Variants in OXCT1 observed in about 807,000 individuals in gnomAD.
OXCT1 encodes 3-oxoacid CoA-transferase 1, also known as succinyl-CoA:3-ketoacid coenzyme A transferase 1, mitochondrial.
OXCT1 carries 27 observed loss-of-function variants against 69.6 expected under a neutral mutation model. The observed-to-expected ratio is 0.39, with a 90% CI of 0.29 to 0.54. The LOEUF is 0.54. Ranked by LOEUF, OXCT1 falls within the 20% of genes least tolerant of loss-of-function variation. OXCT1 has a pLI of 0.72. For synonymous variants in OXCT1, 202 were observed against 217.8 expected (o/e 0.93, Z 0.64); for missense variants, 437 against 650.2 (o/e 0.67, Z 3.57).
chr5:41,835,314 T>C (rs1193518092), intron 7 of OXCT1, among the ~76,000 whole-genome samples: 1 of 152,202 alleles, frequency 6.6e-6, no homozygotes, highest in Non-Finnish European at 1.5e-5. Flanking sequence ...ATCATAAATA[T>C]ATACACCTAC....
chr5:41,862,870 C>G, intron 1 of OXCT1, 120 bp from the exon 2 acceptor site: 1 of 662,838 alleles, frequency 1.5e-6, no homozygotes, highest in Non-Finnish European at 2.8e-6. Context: ...TATATATACA[C>G]GTTTTTAATT....
At chr5:41,862,899 A>G in intron 1 of OXCT1, 149 bp from the exon 2 acceptor site, 1 of 607,276 alleles carries the variant, frequency 1.6e-6, no homozygotes, top group Non-Finnish European at 3.0e-6. Flanking sequence ...ATAACTGTAT[A>G]TAATGTATAT....
At chr5:41,755,276 C>T (rs979095478) in intron 14 of OXCT1, among the ~76,000 whole-genome samples, 5 of 151,948 alleles carry the variant, frequency 3.3e-5, no homozygotes, top group Admixed American at 1.3e-4. Context: ...TGCTTTTTTT[C>T]TCCCATTTTA....
At chr5:41,779,967 G>C (rs1745315722) in intron 13 of OXCT1, among the ~76,000 whole-genome samples, 1 of 152,036 alleles carries the variant, frequency 6.6e-6, no homozygotes, top group Non-Finnish European at 1.5e-5. Flanking sequence ...TTATAATAAG[G>C]ACTGCAAATA....
At chr5:41,865,076 A>G (rs547812586) in intron 1 of OXCT1, among the ~76,000 whole-genome samples, 15 of 152,302 alleles carry the variant, frequency 9.8e-5, no homozygotes, top group African/African-American at 3.6e-4. Context: ...CATTCCCTCA[A>G]GCATTTATCC....
At chr5:41,750,142 T>G (rs546456701) in intron 14 of OXCT1, among the ~76,000 whole-genome samples, 31 of 148,960 alleles carry the variant, frequency 2.1e-4, no homozygotes, top group South Asian at 4.2e-4. Context: ...TTGGTTTTTT[T>G]TTTTTTTTTT....
chr5:41,759,049 T>G (rs1388148725), intron 14 of OXCT1, among the ~76,000 whole-genome samples: 1 of 147,394 alleles, frequency 6.8e-6, no homozygotes, highest in East Asian at 2.0e-4. Flanking sequence ...ATTGCTGATG[T>G]AAGTCTCACC....
chr5:41,761,498 T>C (rs1182955768), intron 14 of OXCT1, among the ~76,000 whole-genome samples: 1 of 152,106 alleles, frequency 6.6e-6, no homozygotes, highest in Non-Finnish European at 1.5e-5. Context: ...GTAAGCTTCA[T>C]GAGATCAGTA....
At chr5:41,827,859 C>T (rs1037071689) in intron 7 of OXCT1, among the ~76,000 whole-genome samples, 1 of 152,160 alleles carries the variant, frequency 6.6e-6, no homozygotes, top group Non-Finnish European at 1.5e-5. Flanking sequence ...CCTCACCATC[C>T]TCAAAGTCTC....
chr5:41,782,512 A>G (rs948264158), intron 13 of OXCT1, among the ~76,000 whole-genome samples: 1 of 152,002 alleles, frequency 6.6e-6, no homozygotes, highest in African/African-American at 2.4e-5. Context: ...CTGCCCCAGG[A>G]GCTTTTTTTC....
chr5:41,801,211 C>T (rs1315989495), intron 10 of OXCT1, 141 bp from the exon 11 acceptor site: 17 of 696,468 alleles, frequency 2.4e-5, no homozygotes, highest in Admixed American at 2.2e-4. Flanking sequence ...AAAAATAATT[C>T]GGTTGTGTCC....
chr5:41,765,039 T>C lies in OXCT1; in HGVS notation c.1249-2839A>G, dbSNP rs140697378. Among the ~76,000 whole-genome samples the C allele has an allele frequency of 7.1e-3, 1,088 of 152,190 alleles. 16 individuals are homozygous for C. The highest frequency in any genetic ancestry group is 0.024 in the African/African-American group (990 of 41,512). On this transcript the variant is annotated intron_variant, in intron 13 of 16. Transcript: ENST00000196371. ...CCAAAGGATTTCTGAAACAGTCCAT[T>C]ACTAAAAAGAAGAAAAGGCGTTCTA...
At chr5:41,746,899 C>A (rs541026936) in intron 15 of OXCT1, among the ~76,000 whole-genome samples, 1 of 152,232 alleles carries the variant, frequency 6.6e-6, no homozygotes, top group East Asian at 1.9e-4. Flanking sequence ...CAACAATGTG[C>A]AATTCATCAA....
intron 7 of OXCT1, among the ~76,000 whole-genome samples, chr5:41,830,027 A>T (rs987418914): frequency 1.3e-5 from 2 of 152,188 alleles, no homozygotes; most frequent in African/African-American, 4.8e-5. Flanking sequence ...AGCACTCTAT[A>T]CCTGGCTAAA....
intron 9 of OXCT1, among the ~76,000 whole-genome samples, chr5:41,804,546 G>A (rs1449240045): frequency 2.0e-5 from 3 of 152,050 alleles, no homozygotes; most frequent in Non-Finnish European, 4.4e-5. Context: ...GATAAGACGG[G>A]TTGAGAAGTC....
chr5:41,750,037 T>TA (rs760073441), intron 14 of OXCT1, among the ~76,000 whole-genome samples: 14 of 151,818 alleles, frequency 9.2e-5, no homozygotes, highest in Non-Finnish European at 1.8e-4. Context: ...CTTTATCTGT[T>TA]AAAAAAGTAA....
At chr5:41,855,749 A>G (rs771925840) in intron 3 of OXCT1, among the ~76,000 whole-genome samples, 3 of 152,232 alleles carry the variant, frequency 2.0e-5, no homozygotes, top group Non-Finnish European at 2.9e-5. Context: ...CACGTAACCT[A>G]TAATTACAAC....
chr5:41,750,134 G>GTTTTTTTTT (rs1743697257), intron 14 of OXCT1, among the ~76,000 whole-genome samples: 1 of 85,812 alleles, frequency 1.2e-5, no homozygotes, highest in African/African-American at 4.7e-5. Flanking sequence ...TGTGTTTTTT[G>GTTTTTTTTT]GTTTTTTTTT....
intron 13 of OXCT1, among the ~76,000 whole-genome samples, chr5:41,777,261 C>G (rs917433765): frequency 6.6e-6 from 1 of 152,086 alleles, no homozygotes; most frequent in Non-Finnish European, 1.5e-5. Flanking sequence ...ACTAAAAATA[C>G]AATTATTAGC....
Sources: allele counts gnomAD v4.1 joint callset (sites outside exome capture counted in the v4.1 genomes callset), GRCh38; gene constraint gnomAD v4.1.1; transcripts MANE v1.5; gene names NCBI Gene and HGNC (gene_info 2026-07-23, HGNC 2026-07-21).